The following SWT1 variants were observed in gnomAD, a reference collection of about 807,000 sequenced individuals.
SWT1 encodes SWT1 RNA endoribonuclease homolog.
In SWT1, 33 loss-of-function variants were observed where a neutral mutation model predicts 107.3. The observed-to-expected ratio is 0.31, with a 90% CI of 0.23 to 0.41. The LOEUF is 0.41. Among genes scored for constraint, SWT1 ranks in the 10% least tolerant of loss-of-function variants. The probability of loss-of-function intolerance (pLI) is 1.00; values close to 1 mark genes in which losing one functional copy is unlikely to be tolerated. For synonymous variants in SWT1, 345 were observed against 348.3 expected (o/e 0.99, Z 0.11); for missense variants, 898 against 1,028.9 (o/e 0.87, Z 1.74).
intron 9 of SWT1, among the ~76,000 whole-genome samples, chr1:185,186,024 A>G (rs1656436457): frequency 6.6e-6 from 1 of 152,120 alleles, no homozygotes. Context: ...AATATGATCA[A>G]CCTGGGTTTA....
rs145384104 is a variant in SWT1 at position 185,159,755 on chromosome 1, C to T, written c.-9-1078C>T. On this transcript the variant is annotated intron_variant, in intron 1 of 18. Coordinates refer to ENST00000367500, the MANE Select transcript of SWT1 (RefSeq NM_017673.7). Reference sequence around the variant, plus strand: ...TTTTTAAATTTTTGAGATGGAGTTTCGCACTTGTCACCCAGGCTGGAGTGC... The same window carrying T: ...TTTTTAAATTTTTGAGATGGAGTTTTGCACTTGTCACCCAGGCTGGAGTGC... Among the ~76,000 whole-genome samples the T allele has an allele frequency of 7.9e-3, 1,199 of 151,888 alleles. 15 individuals are homozygous for T. Among genetic ancestry groups the T allele is most frequent in the African/African-American group, 0.027 (1,136 of 41,382 alleles).
chr1:185,247,536 A>G (rs1346519230), intron 16 of SWT1, among the ~76,000 whole-genome samples: 1 of 152,230 alleles, frequency 6.6e-6, no homozygotes, highest in Non-Finnish European at 1.5e-5. Context: ...AGTGAGATTC[A>G]TATTTATGTA....
At chr1:185,172,359 A>T (rs1427471158) in intron 4 of SWT1, among the ~76,000 whole-genome samples, 1 of 151,938 alleles carries the variant, frequency 6.6e-6, no homozygotes. Flanking sequence ...CTTGTTTTTG[A>T]TTTTCAATAT....
At chr1:185,211,399 A>G (rs917118361) in intron 13 of SWT1, among the ~76,000 whole-genome samples, 4 of 152,110 alleles carry the variant, frequency 2.6e-5, no homozygotes, top group African/African-American at 9.7e-5. Context: ...CACATCTACA[A>G]CCATCCAAAT....
intron 16 of SWT1, among the ~76,000 whole-genome samples, chr1:185,246,764 G>T (rs1661642816): frequency 6.6e-6 from 1 of 151,332 alleles, no homozygotes; most frequent in Non-Finnish European, 1.5e-5. Flanking sequence ...TGAGTAGGAA[G>T]GACTACAGGC....
In SWT1 at chr1:185,214,637, C is replaced by T. The variant is rs1477876717; in HGVS notation, c.2103C>T (p.Leu701=). The T allele has an allele frequency of 1.1e-5, 17 of 1,609,764 alleles. 1 individual carries two copies. The South Asian group carries it at 1.9e-4, about 18-fold the overall frequency. Residue 701 remains leucine, a synonymous_variant, in exon 14 of 19, where the codon CTC becomes CTT. Coordinates refer to ENST00000367500, the MANE Select transcript of SWT1 (RefSeq NM_017673.7). Reference sequence around the variant, plus strand: ...AGACCTTTGCTCAAGTAAACAACCTCCTTCAGACATTTGCAGAGGTAAGAT... The same window carrying T: ...AGACCTTTGCTCAAGTAAACAACCTTCTTCAGACATTTGCAGAGGTAAGAT... ...LPQTFAQVNN[L]LQTFAEVKTK... is the part of the protein sequence containing the mutation.
At chr1:185,252,482 T>C (rs1048359032) in intron 16 of SWT1, among the ~76,000 whole-genome samples, 3 of 152,260 alleles carry the variant, frequency 2.0e-5, no homozygotes, top group African/African-American at 7.2e-5. Context: ...TTCTAACTGG[T>C]GTGAGATGGT....
chr1:185,164,038 T>C (rs1654376069), intron 2 of SWT1, among the ~76,000 whole-genome samples: 1 of 152,234 alleles, frequency 6.6e-6, no homozygotes, highest in South Asian at 2.1e-4. Flanking sequence ...AAAGTTAGAC[T>C]CCTTGATCTA....
chr1:185,227,397 G>C (rs1474122269), intron 15 of SWT1: 1 of 689,154 alleles, frequency 1.5e-6, no homozygotes, highest in Non-Finnish European at 2.7e-6. Context: ...CAGCAGGCCA[G>C]TACAATATGC....
At chr1:185,193,680 TG>T (rs1171265848) in intron 10 of SWT1, among the ~76,000 whole-genome samples, 1 of 152,136 alleles carries the variant, frequency 6.6e-6, no homozygotes, top group African/African-American at 2.4e-5. Context: ...TTGGCCAGGA[TG>T]ATCTTGATCT....
chr1:185,223,659 A>G (rs1172976037), intron 15 of SWT1, among the ~76,000 whole-genome samples: 1 of 152,066 alleles, frequency 6.6e-6, no homozygotes, highest in Non-Finnish European at 1.5e-5. Flanking sequence ...CATTTTTTAA[A>G]CTTTAAGTTC....
In SWT1 at chr1:185,165,264, TAAC is replaced by T. The variant is rs1654472439; in HGVS notation, c.85-1302_85-1300del. On this transcript the variant is annotated intron_variant, in intron 2 of 18. Transcript: ENST00000367500. ...ATTGATCACAGGTCCCATAGCAGTA[TAAC>T]AACAATGAAAACATTTGAAATACTG... Among the ~76,000 whole-genome samples, 6 of 152,238 alleles carry T rather than the reference TAAC, an allele frequency of 3.9e-5. No individual in the cohort carries two copies. In the South Asian group the frequency reaches 1.0e-3, roughly 26 times the overall value.
chr1:185,277,354 T>C (rs777191877), intron 18 of SWT1, among the ~76,000 whole-genome samples: 5 of 152,168 alleles, frequency 3.3e-5, no homozygotes, highest in Admixed American at 6.5e-5. Context: ...AGTGGAGCGA[T>C]CTTGGCTCAT....
rs1410974849 is a variant in SWT1 at position 185,268,031 on chromosome 1, A to G, written c.2442-3292A>G. ...CAGGCCACATTCCATTCTCATATTC[A>G]GAGTTCATAGGATGTAATGAAGTCT... On this transcript the variant is annotated intron_variant, in intron 16 of 18. Transcript: ENST00000367500. Among the ~76,000 whole-genome samples, 5 of 152,312 alleles carry G rather than the reference A, an allele frequency of 3.3e-5. No homozygotes were observed. In the East Asian group the frequency reaches 7.7e-4, roughly 24 times the overall value.
intron 16 of SWT1, among the ~76,000 whole-genome samples, chr1:185,243,933 A>G (rs971802813): frequency 2.0e-5 from 3 of 152,146 alleles, no homozygotes; most frequent in African/African-American, 7.2e-5. Flanking sequence ...TTTAAACCTT[A>G]TTGATAAAAA....
chr1:185,243,062 C>T (rs982319014), intron 16 of SWT1, among the ~76,000 whole-genome samples: 4 of 152,116 alleles, frequency 2.6e-5, no homozygotes, highest in African/African-American at 9.7e-5. Context: ...ATATAAAAGG[C>T]GTAAAGGTAG....
intron 12 of SWT1, 148 bp from the exon 13 acceptor site, chr1:185,206,477 T>C (rs546390152): frequency 7.5e-5 from 35 of 465,592 alleles, no homozygotes; most frequent in Non-Finnish European, 1.2e-4. Flanking sequence ...CATTTTAATG[T>C]TATGATTGAC....
chr1:185,214,455 A>G, intron 13 of SWT1, 52 bp from the exon 14 acceptor site: 2 of 1,388,402 alleles, frequency 1.4e-6, no homozygotes, highest in Non-Finnish European at 2.0e-6. Flanking sequence ...AGACATTTTT[A>G]TGATGTATAC....
intron 16 of SWT1, among the ~76,000 whole-genome samples, chr1:185,244,772 T>G (rs1661486670): frequency 1.3e-5 from 2 of 152,222 alleles, no homozygotes; most frequent in African/African-American, 2.4e-5. Flanking sequence ...TCTTTTCCAG[T>G]AACACTTAGC....
Sources: allele counts gnomAD v4.1 joint callset (sites outside exome capture counted in the v4.1 genomes callset), GRCh38; gene constraint gnomAD v4.1.1; transcripts MANE v1.5; gene names NCBI Gene and HGNC (gene_info 2026-07-23, HGNC 2026-07-21).